The following ADARB2 variants were observed in gnomAD, a reference collection of about 807,000 sequenced individuals.
The protein encoded by ADARB2 is inactive double-stranded RNA-specific editase B2.
Under a neutral mutation model 62.2 loss-of-function variants are expected in ADARB2, and 25 were observed. The observed-to-expected ratio is 0.40, with a 90% confidence interval of 0.29 to 0.56. ADARB2 has a LOEUF of 0.56. Among genes scored for constraint, ADARB2 ranks in the 20% least tolerant of loss-of-function variants. The probability of loss-of-function intolerance (pLI) is 0.43; values close to 1 mark genes in which losing one functional copy is unlikely to be tolerated. For synonymous variants in ADARB2, 572 were observed against 500.8 expected (o/e 1.14, Z -1.90); for missense variants, 1,071 against 1,077.4 (o/e 0.99, Z 0.08).
At chr10:1,713,353 G>T (rs1230611616) in intron 1 of ADARB2, among the ~76,000 whole-genome samples, 1 of 152,222 alleles carries the variant, frequency 6.6e-6, no homozygotes. Context: ...GCCATGTGGA[G>T]AGTTAGAGAA....
At chr10:1,218,906 C>T (rs944935324) in intron 6 of ADARB2, among the ~76,000 whole-genome samples, 55 of 151,896 alleles carry the variant, frequency 3.6e-4, no homozygotes, top group African/African-American at 1.1e-3. Flanking sequence ...AAAAATTAGC[C>T]GGGCGTGGTG....
rs567942130 is a variant in ADARB2 at position 1,477,256 on chromosome 10, C to T, written c.101-98096G>A. Reference sequence around the variant, plus strand: ...GAGTCCTGATAAGATTAGTAAGTAACGTTGAGGAAGGCGCTACAGGTCGGG... The same window carrying T: ...GAGTCCTGATAAGATTAGTAAGTAATGTTGAGGAAGGCGCTACAGGTCGGG... On this transcript the variant is annotated intron_variant, in intron 1 of 9. Transcript: ENST00000381312. This position sits in a 1 kb window ranked among gnomAD's most constrained non-coding sequence, Gnocchi z 4.5. 4.2e-4 allele frequency among the ~76,000 whole-genome samples: 64 copies of T among 152,278 alleles called. No homozygotes were observed. The highest frequency in any genetic ancestry group is 1.5e-3 in the African/African-American group (63 of 41,562).
intron 1 of ADARB2, among the ~76,000 whole-genome samples, chr10:1,668,271 CT>C (rs1834337936): frequency 1.3e-5 from 2 of 152,158 alleles, no homozygotes; most frequent in South Asian, 4.1e-4. Context: ...TACAATTTTT[CT>C]TTTGCATGTG....
chr10:1,259,652 T>G, intron 4 of ADARB2, among the ~76,000 whole-genome samples: 2 of 152,302 alleles, frequency 1.3e-5, no homozygotes, highest in South Asian at 4.1e-4. Context: ...ATTGAGGCAA[T>G]AATTAATAGC....
At chr10:1,329,486 T>A (rs1179231281) in intron 3 of ADARB2, among the ~76,000 whole-genome samples, 1 of 152,154 alleles carries the variant, frequency 6.6e-6, no homozygotes, top group Non-Finnish European at 1.5e-5. Flanking sequence ...GGTGCCTGAG[T>A]CACACCCAGG....
Position 1,533,147 on chromosome 10 carries a change from C to A in ADARB2, c.101-153987G>T, listed in dbSNP as rs192627825. 2.0e-3 allele frequency among the ~76,000 whole-genome samples: 309 copies of A among 151,652 alleles called. 2 individuals carry two copies. Among genetic ancestry groups the A allele is most frequent in the Middle Eastern group, 0.017 (5 of 294 alleles). ...TTTTTTTTTTTTTCTGAGATGGAGC[C>A]TCGCTCCATTGCCCAGGCTGGAGTG... On this transcript the variant is annotated intron_variant, in intron 1 of 9. Coordinates refer to ENST00000381312, the MANE Select transcript of ADARB2 (RefSeq NM_018702.4).
intron 1 of ADARB2, among the ~76,000 whole-genome samples, chr10:1,476,691 G>A (rs1039592164): frequency 3.9e-5 from 6 of 152,144 alleles, no homozygotes; most frequent in African/African-American, 1.2e-4. Flanking sequence ...AAGGCCATCG[G>A]CCTCACGAAC....
chr10:1,735,544 C>G (rs184999381), intron 1 of ADARB2, among the ~76,000 whole-genome samples: 2 of 152,124 alleles, frequency 1.3e-5, no homozygotes. Context: ...TTCCTTTTTC[C>G]TCTTTTAAAA....
chr10:1,375,823 ACACACGTGCACACACCG>A (rs1432987952), intron 2 of ADARB2, among the ~76,000 whole-genome samples: 2 of 149,526 alleles, frequency 1.3e-5, no homozygotes, highest in African/African-American at 4.9e-5. Context: ...ACATGCACAC[ACACACGTGCACACACCG>A]CACACATGCA....
At chr10:1,672,002 G>A (rs1426089444) in intron 1 of ADARB2, among the ~76,000 whole-genome samples, 1 of 149,058 alleles carries the variant, frequency 6.7e-6, no homozygotes, top group African/African-American at 2.5e-5. Flanking sequence ...GGGGCGGAGG[G>A]GCAGAGCCCT....
rs1190846358 is a variant in ADARB2, at chr10:1,306,640, C to T, written c.1078-35571G>A. ...CAAAAGAACAAAGCTGGAGGCATCA[C>T]ACTACCTGACTTCAAACTATACTAC... On this transcript the variant is annotated intron_variant, in intron 3 of 9. Coordinates refer to ENST00000381312, the MANE Select transcript of ADARB2 (RefSeq NM_018702.4). Among the ~76,000 whole-genome samples, 28 of 134,942 alleles carry T rather than the reference C, an allele frequency of 2.1e-4. No individual in the cohort carries two copies. The East Asian group carries it at 5.0e-3, about 24-fold the overall frequency. 88.5% of individuals were successfully genotyped at this position (134,942 alleles called of 152,430 possible).
At position 1,465,194 on chromosome 10, in the gene ADARB2, G is replaced by A. The variant is rs560170636; in HGVS notation, c.101-86034C>T. Among the ~76,000 whole-genome samples the A allele has an allele frequency of 3.3e-4, 51 of 152,308 alleles. 1 individual carries two copies. The highest frequency in any genetic ancestry group is 1.2e-3 in the African/African-American group (50 of 41,572). Reference sequence around the variant, plus strand: ...AAATGGCAAAGTTACAGGGTCGGGAGGTGAAGCCATGGTCTGTAGAGGCTG... The same window carrying A: ...AAATGGCAAAGTTACAGGGTCGGGAAGTGAAGCCATGGTCTGTAGAGGCTG... On this transcript the variant is annotated intron_variant, in intron 1 of 9. Transcript: ENST00000381312.
chr10:1,623,125 T>G (rs1833726637), intron 1 of ADARB2, among the ~76,000 whole-genome samples: 1 of 151,918 alleles, frequency 6.6e-6, no homozygotes, highest in Non-Finnish European at 1.5e-5. Context: ...AAGAGGAAAA[T>G]ATTTAGAGAT....
intron 3 of ADARB2, among the ~76,000 whole-genome samples, chr10:1,346,935 T>C (rs953226381): frequency 3.3e-5 from 5 of 152,262 alleles, no homozygotes; most frequent in African/African-American, 1.2e-4. Flanking sequence ...TTGCTGCTCT[T>C]CAAATGTTAC....
intron 4 of ADARB2, among the ~76,000 whole-genome samples, chr10:1,257,752 C>A (rs763825463): frequency 6.6e-6 from 1 of 152,188 alleles, no homozygotes; most frequent in African/African-American, 2.4e-5. Context: ...CAGGTTCCAA[C>A]GTGGATGTGT....
intron 1 of ADARB2, among the ~76,000 whole-genome samples, chr10:1,462,671 C>A (rs1225158219): frequency 1.4e-5 from 2 of 146,220 alleles, no homozygotes; most frequent in East Asian, 4.0e-4. Flanking sequence ...GTGTATGTGC[C>A]TGTGTGTATG....
chr10:1,679,703 C>T (rs564420031), intron 1 of ADARB2, among the ~76,000 whole-genome samples: 6 of 152,282 alleles, frequency 3.9e-5, no homozygotes, highest in African/African-American at 1.2e-4. Flanking sequence ...CAGCTGCAGA[C>T]TGTTCTGACA....
chr10:1,428,164 G>A (rs537870515), intron 1 of ADARB2, among the ~76,000 whole-genome samples: 15 of 151,380 alleles, frequency 9.9e-5, no homozygotes, highest in Non-Finnish European at 1.9e-4. Context: ...GTAGATATGA[G>A]GTTTCACCAT....
At chr10:1,675,574 TC>T (rs1834456959) in intron 1 of ADARB2, among the ~76,000 whole-genome samples, 1 of 151,356 alleles carries the variant, frequency 6.6e-6, no homozygotes, top group Non-Finnish European at 1.5e-5. Context: ...AGGTTTGGGT[TC>T]AGGGATGCAC....
Sources: allele counts gnomAD v4.1 joint callset (sites outside exome capture counted in the v4.1 genomes callset), GRCh38; gene constraint gnomAD v4.1.1; non-coding constraint Gnocchi (gnomAD v3.1); transcripts MANE v1.5; gene names NCBI Gene and HGNC (gene_info 2026-07-23, HGNC 2026-07-21).